The following ACTG2 variants were observed in gnomAD, a reference collection of about 807,000 sequenced individuals.
ACTG2 encodes actin, gamma-enteric smooth muscle.
A neutral mutation model predicts 37.6 loss-of-function variants in ACTG2; 16 were observed. That is an observed-to-expected ratio of 0.43 (90% CI 0.29 to 0.65). ACTG2 has a LOEUF of 0.65. Ranked by LOEUF, ACTG2 falls within the 30% of genes least tolerant of loss-of-function variation. The pLI, the probability that ACTG2 is intolerant of heterozygous loss-of-function variation, is 0.18. For missense variants in ACTG2, 238 were observed against 490.9 expected (o/e 0.48, Z 4.87); for synonymous variants, 181 against 179.9 (o/e 1.01, Z -0.05).
At chr2:73,895,291 C>T (rs1010339673) in intron 1 of ACTG2, among the ~76,000 whole-genome samples, 2 of 151,942 alleles carry the variant, frequency 1.3e-5, no homozygotes, top group African/African-American at 4.8e-5. Context: ...AATGGAAGTC[C>T]GGGTAAGAGC....
intron 7 of ACTG2, among the ~76,000 whole-genome samples, chr2:73,915,529 A>G (rs1052085661): frequency 6.6e-6 from 1 of 151,598 alleles, no homozygotes; most frequent in African/African-American, 2.4e-5. Context: ...CAAAAAAAAA[A>G]AAAAAAAAGA....
chr2:73,903,821 T>G (rs1456501603), intron 3 of ACTG2, among the ~76,000 whole-genome samples: 4 of 151,058 alleles, frequency 2.6e-5, no homozygotes, highest in Non-Finnish European at 5.9e-5. Context: ...GTGCCTGTAA[T>G]CCCAGCTACT....
In ACTG2 at chr2:73,893,050, C is replaced by T. The variant is rs1434676509; in HGVS notation, c.-38C>T. Reference sequence around the variant, plus strand: ...CTGGGAGAAGAACCTCTCATACCCTCGGTAAGTACTGTACGGCTTTTGCCA... The same window carrying T: ...CTGGGAGAAGAACCTCTCATACCCTTGGTAAGTACTGTACGGCTTTTGCCA... On this transcript the variant is annotated splice_region_variant and 5_prime_UTR_variant, in exon 1 of 9. Transcript: ENST00000345517. 1.3e-5 allele frequency: 2 copies of T among 152,312 alleles called. No individual in the cohort carries two copies. Among genetic ancestry groups the T allele is most frequent in the South Asian group, 2.1e-4 (1 of 4,832 alleles). 9.4% of individuals were successfully genotyped at this position (152,312 alleles called of 1,614,324 possible).
At chr2:73,901,893 G>A (rs1679892620) in intron 2 of ACTG2, 1 of 188,726 alleles carries the variant, frequency 5.3e-6, no homozygotes, top group South Asian at 1.5e-4. Flanking sequence ...ATATTTCACA[G>A]GAAGGGAAAA....
At chr2:73,900,764 T>A (rs2104805092) in intron 1 of ACTG2, among the ~76,000 whole-genome samples, 1 of 152,312 alleles carries the variant, frequency 6.6e-6, no homozygotes, top group East Asian at 1.9e-4. Context: ...ACCCAGCACT[T>A]CTTCTCCCAG....
chr2:73,898,917 C>T (rs941294432), intron 1 of ACTG2, among the ~76,000 whole-genome samples: 1 of 151,416 alleles, frequency 6.6e-6, no homozygotes. Context: ...ATTCTCCTGC[C>T]TCAGCCTCCC....
chr2:73,912,856 A>G (rs1295035399), intron 5 of ACTG2, among the ~76,000 whole-genome samples: 1 of 152,192 alleles, frequency 6.6e-6, no homozygotes, highest in East Asian at 1.9e-4. Context: ...CTCATCCGTT[A>G]TGATGTGGCT....
chr2:73,900,447 G>T (rs1679850897), intron 1 of ACTG2, among the ~76,000 whole-genome samples: 1 of 152,248 alleles, frequency 6.6e-6, no homozygotes, highest in African/African-American at 2.4e-5. Context: ...TGCAGCAGAT[G>T]TTGGGAAAGT....
chr2:73,898,888 C>T (rs1434181169), intron 1 of ACTG2, among the ~76,000 whole-genome samples: 4 of 150,100 alleles, frequency 2.7e-5, no homozygotes, highest in African/African-American at 7.4e-5. Flanking sequence ...CTGCAAGCTC[C>T]GCCTCCCGGG....
intron 1 of ACTG2, among the ~76,000 whole-genome samples, chr2:73,895,477 C>T (rs72917453): frequency 0.013 from 1,947 of 152,150 alleles, 37 homozygotes; most frequent in African/African-American, 0.044. Context: ...TTCTCTCTGC[C>T]AGGGTTTCTG....
chr2:73,900,262 C>G (rs1201417676), intron 1 of ACTG2, among the ~76,000 whole-genome samples: 1 of 152,242 alleles, frequency 6.6e-6, no homozygotes, highest in East Asian at 1.9e-4. Flanking sequence ...CCCCGCCCCA[C>G]TGGGTCCTCC....
At chr2:73,895,991 T>C (rs1056305044) in intron 1 of ACTG2, among the ~76,000 whole-genome samples, 8 of 152,196 alleles carry the variant, frequency 5.3e-5, no homozygotes, top group Admixed American at 4.6e-4. Flanking sequence ...TGTCATATAA[T>C]TTCCATGGGT....
chr2:73,894,271 A>T (rs1441197101), intron 1 of ACTG2, among the ~76,000 whole-genome samples: 2 of 152,192 alleles, frequency 1.3e-5, no homozygotes, highest in Non-Finnish European at 2.9e-5. Flanking sequence ...CACTTTGTAC[A>T]GGGAGGCTCT....
At chr2:73,893,239 G>A (rs13394747) in intron 1 of ACTG2, among the ~76,000 whole-genome samples, 188 bp downstream of exon 1, 2,985 of 152,282 alleles carry the variant, frequency 0.02, 103 homozygotes, top group African/African-American at 0.067. Flanking sequence ...CTGGCCATGG[G>A]ACATCCTGGG....
At chr2:73,895,531 G>A (rs966362773) in intron 1 of ACTG2, among the ~76,000 whole-genome samples, 7 of 152,146 alleles carry the variant, frequency 4.6e-5, no homozygotes, top group East Asian at 1.9e-4. Flanking sequence ...AGGCAGAGAC[G>A]CAGCTGCTTA....
At chr2:73,916,379 A>G (rs987721271) in intron 7 of ACTG2, among the ~76,000 whole-genome samples, 35 of 151,890 alleles carry the variant, frequency 2.3e-4, no homozygotes, top group Non-Finnish European at 3.2e-4. Context: ...TCTCAGAAAA[A>G]AAAAAAAAAA....
intron 3 of ACTG2, among the ~76,000 whole-genome samples, chr2:73,904,937 GAAAT>G (rs1383500895): frequency 6.6e-6 from 1 of 150,520 alleles, no homozygotes; most frequent in African/African-American, 2.4e-5. Flanking sequence ...TATGTTTGCA[GAAAT>G]AAATAAGCAA....
intron 5 of ACTG2, among the ~76,000 whole-genome samples, chr2:73,909,400 A>G (rs1181543186): frequency 1.3e-5 from 2 of 152,230 alleles, no homozygotes; most frequent in Non-Finnish European, 2.9e-5. Flanking sequence ...ACATTCCAAC[A>G]ATACTGGAAT....
chr2:73,906,465 A>AAATAAATAAATAAATAAAT lies in ACTG2; in HGVS notation c.256-2206_256-2205insTAAATAAATAAATAAATAA, dbSNP rs1553395537. 5.0e-3 allele frequency among the ~76,000 whole-genome samples: 744 copies of AAATAAATAAATAAATAAAT among 149,840 alleles called. 11 individuals carry two copies. Among genetic ancestry groups the AAATAAATAAATAAATAAAT allele is most frequent in the African/African-American group, 0.017 (707 of 41,042 alleles). ...GACTCCATCTCAAAATAAAAAATAA[A>AAATAAATAAATAAATAAAT]AAATAAATAAATAAATAAATACATA... is the stretch of plus-strand genomic sequence containing the variant. On this transcript the variant is annotated intron_variant, in intron 3 of 8. Coordinates refer to ENST00000345517, the MANE Select transcript of ACTG2 (RefSeq NM_001615.4).
Sources: allele counts gnomAD v4.1 joint callset (sites outside exome capture counted in the v4.1 genomes callset), GRCh38; gene constraint gnomAD v4.1.1; transcripts MANE v1.5; gene names NCBI Gene and HGNC (gene_info 2026-07-23, HGNC 2026-07-21).